RGS17: variants seen among roughly 807,000 people sequenced by gnomAD.
RGS17 encodes the protein regulator of G protein signaling 17, also known as regulator of G-protein signaling 17.
A neutral mutation model predicts 25.5 loss-of-function variants in RGS17; 12 were observed. The ratio of observed to expected loss-of-function variants is 0.47; its 90% CI spans 0.30 to 0.76. The LOEUF (loss-of-function observed/expected upper bound fraction) is 0.76. Among genes scored for constraint, RGS17 ranks in the 30% least tolerant of loss-of-function variants. The probability of loss-of-function intolerance (pLI) is 0.07; values close to 1 mark genes in which losing one functional copy is unlikely to be tolerated. For missense variants in RGS17, 196 were observed against 242.2 expected (o/e 0.81, Z 1.27); for synonymous variants, 71 against 76.9 (o/e 0.92, Z 0.40).
At position 153,103,293 on chromosome 6, in the gene RGS17, GTAACTTTT is replaced by G. The variant is rs1189560891; in HGVS notation, c.-26+27823_-26+27830del. Among the ~76,000 whole-genome samples the G allele has an allele frequency of 1.2e-4, 18 of 152,336 alleles. No homozygotes were observed. In the East Asian group the frequency reaches 3.5e-3, roughly 29 times the overall value. ...TATCTTTATGATGACATCTCTAGAAGTAACTTTTTATTCCCTTTGTGTTCATAATTTAT... is the reference window on the plus strand; with the variant it reads ...TATCTTTATGATGACATCTCTAGAAGTATTCCCTTTGTGTTCATAATTTAT... On this transcript the variant is annotated intron_variant, in intron 1 of 4. Coordinates refer to ENST00000206262, the MANE Select transcript of RGS17 (RefSeq NM_012419.5).
intron 2 of RGS17, among the ~76,000 whole-genome samples, chr6:153,031,541 A>G (rs1408395396): frequency 6.6e-6 from 1 of 152,216 alleles, no homozygotes; most frequent in Non-Finnish European, 1.5e-5. Context: ...TTTACAAGGA[A>G]ACAGTTATTG....
chr6:153,029,927 T>C (rs1237646801), intron 2 of RGS17, among the ~76,000 whole-genome samples: 3 of 152,212 alleles, frequency 2.0e-5, no homozygotes, highest in Non-Finnish European at 4.4e-5. Context: ...CACTGACTTT[T>C]ATGTATGTAA....
At position 153,005,743 on chromosome 6, in the gene RGS17, A is replaced by C. The variant is rs1386243671; in HGVS notation, c.*5831T>G. 6.6e-6 allele frequency: 1 copy of C among 152,272 alleles called. No homozygotes were observed. Among genetic ancestry groups the C allele is most frequent in the African/African-American group, 2.4e-5 (1 of 41,452 alleles). The allele number at this position is 152,272 out of a possible 1,614,324, so 9.4% of individuals were successfully genotyped here. Reference sequence around the variant, plus strand: ...ATTTCTCAAAACTGTCATCAAAAACAAGGAAAGTTGCAGAAACTGTCACAG... The same window carrying C: ...ATTTCTCAAAACTGTCATCAAAAACCAGGAAAGTTGCAGAAACTGTCACAG... On this transcript the variant is annotated 3_prime_UTR_variant, in exon 5 of 5. Coordinates refer to ENST00000206262, the MANE Select transcript of RGS17 (RefSeq NM_012419.5).
At chr6:153,049,834 G>A (rs1182472785) in intron 1 of RGS17, among the ~76,000 whole-genome samples, 1 of 152,126 alleles carries the variant, frequency 6.6e-6, no homozygotes, top group African/African-American at 2.4e-5. Context: ...CTTAACAAAT[G>A]AATTCTAAAA....
intron 1 of RGS17, among the ~76,000 whole-genome samples, chr6:153,066,770 G>A (rs1016152724): frequency 1.5e-4 from 23 of 152,108 alleles, no homozygotes; most frequent in East Asian, 5.8e-4. Context: ...AGCTGGGCGC[G>A]GTGGCTCACA....
At chr6:153,097,297 T>A (rs1291756923) in intron 1 of RGS17, among the ~76,000 whole-genome samples, 10 of 62,448 alleles carry the variant, frequency 1.6e-4, no homozygotes, top group East Asian at 1.8e-3. Context: ...TTGATTTTTT[T>A]TTTTTTTTTT....
intron 1 of RGS17, among the ~76,000 whole-genome samples, chr6:153,118,298 G>C (rs1018628587): frequency 6.6e-6 from 1 of 152,068 alleles, no homozygotes; most frequent in Admixed American, 6.6e-5. Flanking sequence ...TCTTAATATT[G>C]CACACTTGAC....
intron 1 of RGS17, among the ~76,000 whole-genome samples, chr6:153,104,724 G>A (rs1777353559): frequency 6.6e-6 from 1 of 151,884 alleles, no homozygotes; most frequent in Admixed American, 6.6e-5. Flanking sequence ...GGAGGATGGG[G>A]GAATTTATAT....
chr6:153,024,027 G>A (rs1779273013), intron 4 of RGS17, among the ~76,000 whole-genome samples: 1 of 152,160 alleles, frequency 6.6e-6, no homozygotes, highest in South Asian at 2.1e-4. Flanking sequence ...TGTTAGTTCT[G>A]AAAAGCAAGT....
chr6:153,071,824 T>C (rs184273652), intron 1 of RGS17, among the ~76,000 whole-genome samples: 1 of 152,316 alleles, frequency 6.6e-6, no homozygotes, highest in African/African-American at 2.4e-5. Flanking sequence ...TAGTAGTAGC[T>C]GACAGTTAAA....
chr6:153,038,148 G>T (rs1441362770), intron 2 of RGS17, among the ~76,000 whole-genome samples: 2 of 152,170 alleles, frequency 1.3e-5, no homozygotes, highest in African/African-American at 4.8e-5. Context: ...GCTGACTGGG[G>T]TATCTGGGGT....
intron 2 of RGS17, among the ~76,000 whole-genome samples, chr6:153,031,019 G>A (rs890758461): frequency 1.3e-5 from 2 of 152,158 alleles, no homozygotes; most frequent in East Asian, 1.9e-4. Flanking sequence ...TGGAGACCTG[G>A]AAAAAGGGGA....
chr6:153,110,425 T>TACACACACACACACACACACACAC (rs149969105), intron 1 of RGS17, among the ~76,000 whole-genome samples: 118 of 144,920 alleles, frequency 8.1e-4, no homozygotes, highest in South Asian at 1.8e-3. Context: ...ACTGCCAACA[T>TACACACACACACACACACACACAC]ACACACACAC....
At chr6:153,042,065 C>G (rs534008958) in intron 2 of RGS17, among the ~76,000 whole-genome samples, 1 of 152,092 alleles carries the variant, frequency 6.6e-6, no homozygotes, top group Non-Finnish European at 1.5e-5. Context: ...ATTTGAACCC[C>G]GGCAGTCTGA....
At chr6:153,033,709 CT>C (rs551380283) in intron 2 of RGS17, among the ~76,000 whole-genome samples, 1 of 151,870 alleles carries the variant, frequency 6.6e-6, no homozygotes, top group Admixed American at 6.6e-5. Flanking sequence ...CAGAGTGAGA[CT>C]TCATCTCAAA....
intron 3 of RGS17, 109 bp from the exon 4 acceptor site, chr6:153,024,605 G>C: frequency 3.8e-6 from 3 of 793,610 alleles, no homozygotes; most frequent in Non-Finnish European, 6.2e-6. Flanking sequence ...CTGCCATCTA[G>C]TGGTCAGTAT....
intron 2 of RGS17, among the ~76,000 whole-genome samples, chr6:153,030,524 A>G (rs1029615515): frequency 6.6e-6 from 1 of 152,220 alleles, no homozygotes; most frequent in Non-Finnish European, 1.5e-5. Flanking sequence ...AGAGAGAACT[A>G]CTGTCACTGG....
At chr6:153,039,361 T>C (rs999464853) in intron 2 of RGS17, among the ~76,000 whole-genome samples, 1 of 152,166 alleles carries the variant, frequency 6.6e-6, no homozygotes, top group African/African-American at 2.4e-5. Context: ...ATTTATAAAG[T>C]AGCTAAAGAC....
Position 153,009,987 on chromosome 6 carries a change from C to G in RGS17, c.*1587G>C, listed in dbSNP as rs1045597004. ...CAAGTAAAATAAATTTAAAAAGAAA[C>G]CCCCAAACTTGTTTTTTTAAAAAAT... On this transcript the variant is annotated 3_prime_UTR_variant, in exon 5 of 5. Transcript: ENST00000206262. 2 of 151,520 alleles carry G rather than the reference C, an allele frequency of 1.3e-5. No individual in the cohort carries two copies. The highest frequency in any genetic ancestry group is 3.9e-4 in the East Asian group (2 of 5,172). The allele number at this position is 151,520 out of a possible 1,614,324, so 9.4% of individuals were successfully genotyped here. A position where few individuals can be genotyped will look rare whatever the true frequency, so the allele number is the denominator to read the frequency against.
Sources: gnomAD v4.1 joint callset for allele counts (sites outside exome capture counted in the v4.1 genomes callset) on GRCh38, gnomAD v4.1.1 for gene constraint, MANE v1.5 for transcripts, NCBI Gene and HGNC (gene_info 2026-07-23, HGNC 2026-07-21) for gene names.